Variants in PFKP observed in about 807,000 individuals in gnomAD.
PFKP encodes phosphofructokinase, platelet.
In PFKP, 101 loss-of-function variants were observed where a neutral mutation model predicts 94.3. The observed-to-expected ratio is 1.07, with a 90% CI of 0.91 to 1.26. The LOEUF is 1.26. PFKP is among the 50% of genes most tolerant of loss of function. The pLI, the probability that PFKP is intolerant of heterozygous loss-of-function variation, is 0.00. For synonymous variants in PFKP, 573 were observed against 432.6 expected, an observed-to-expected ratio of 1.32 and a Z score of -4.03; for missense variants, 1,145 against 1,103.3, an observed-to-expected ratio of 1.04 and a Z score of -0.53.
At position 3,136,673 on chromosome 10, in the gene PFKP, GACA is replaced by G; in HGVS notation, c.*95_*97del. 1 of 1,381,798 alleles carries G rather than the reference GACA, an allele frequency of 7.2e-7. No individual in the cohort carries two copies. The highest frequency in any genetic ancestry group is 2.0e-5 in the Admixed American group (1 of 51,144). 85.6% of individuals were successfully genotyped at this position (1,381,798 alleles called of 1,614,324 possible). A position where few individuals can be genotyped will look rare whatever the true frequency, so the allele number is the denominator to read the frequency against. On this transcript the variant is annotated 3_prime_UTR_variant, in exon 22 of 22. Transcript: ENST00000381125. ...ATCAGCACTTTATGCACGTATTATT[GACA>G]TTAATACCTAATCGGCGAGTGCCCA...
chr10:3,079,529 C>G (rs1832862694), intron 1 of PFKP, among the ~76,000 whole-genome samples: 1 of 152,040 alleles, frequency 6.6e-6, no homozygotes, highest in Admixed American at 6.6e-5. Context: ...CCACCGTGCC[C>G]AGCCTCATGT....
In PFKP at chr10:3,129,949, T is replaced by C; in HGVS notation, c.1814T>C (p.Ile605Thr). 6.2e-7 allele frequency: 1 copy of C among 1,600,464 alleles called. No individual in the cohort carries two copies. The highest frequency in any genetic ancestry group is 8.5e-7 in the Non-Finnish European group (1 of 1,172,344). ...GCGGCCGGAGCTGATGCCGCATACA[T>C]TTTCGAAGAGCCCTTCGACATCAGG... ...GLAAGADAAYIFEEPFDIRDL... is the reference protein window; with the variant it reads ...GLAAGADAAYTFEEPFDIRDL... The change falls in exon 17 of 22, where the codon ATT (isoleucine) becomes ACT (threonine). Residue 605 changes from isoleucine to threonine, a missense_variant. Ile to Thr is a moderately conservative substitution (Grantham distance 89). Around this residue, in one of 3 missense-constraint regions of PFKP, gnomAD observed 1,119 missense variants for 1,062.8 expected, o/e 1.05. Coordinates refer to ENST00000381125, the MANE Select transcript of PFKP (RefSeq NM_002627.5).
intron 3 of PFKP, among the ~76,000 whole-genome samples, chr10:3,100,598 A>G (rs77332609): frequency 0.038 from 5,797 of 152,272 alleles, 301 homozygotes; most frequent in African/African-American, 0.12. Context: ...CTTCGCCTCC[A>G]GTGCAGAGAC....
chr10:3,101,276 C>A, intron 3 of PFKP, 89 bp from the exon 4 acceptor site: 1 of 1,057,448 alleles, frequency 9.5e-7, no homozygotes, highest in Non-Finnish European at 1.4e-6. Context: ...TAAATTCTAG[C>A]ACCCCATGTT....
intron 16 of PFKP, among the ~76,000 whole-genome samples, chr10:3,122,931 C>T (rs1837573136): frequency 6.6e-6 from 1 of 152,202 alleles, no homozygotes; most frequent in Non-Finnish European, 1.5e-5. Flanking sequence ...ACAGGGTGGG[C>T]TCCATAATAG....
At chr10:3,108,625 C>G (rs568695388) in intron 8 of PFKP, 76 bp from the exon 9 acceptor site, 1 of 1,074,216 alleles carries the variant, frequency 9.3e-7, no homozygotes, top group South Asian at 1.3e-5. Flanking sequence ...TTTTCCAGTG[C>G]CCAGTACCTC....
chr10:3,126,584 C>T (rs1588554240), intron 16 of PFKP, among the ~76,000 whole-genome samples: 1 of 152,232 alleles, frequency 6.6e-6, no homozygotes, highest in African/African-American at 2.4e-5. Flanking sequence ...GTCTGGCCAC[C>T]GACTTCAGCA....
intron 2 of PFKP, among the ~76,000 whole-genome samples, chr10:3,094,667 C>T (rs1286624758): frequency 1.3e-5 from 2 of 152,194 alleles, no homozygotes; most frequent in African/African-American, 4.8e-5. Flanking sequence ...AAACCATTGA[C>T]ATAGTGAAAT....
intron 1 of PFKP, among the ~76,000 whole-genome samples, chr10:3,071,644 T>A (rs1832206715): frequency 6.6e-6 from 1 of 152,138 alleles, no homozygotes; most frequent in South Asian, 2.1e-4. Context: ...AGGTTGTGGC[T>A]TCTGAAGGTC....
At position 3,103,964 on chromosome 10, in the gene PFKP, C is replaced by A. The variant is rs370569634; in HGVS notation, c.620+20C>A. 37 of 1,609,318 alleles carry A rather than the reference C, an allele frequency of 2.3e-5. No homozygotes were observed. The East Asian group carries it at 7.6e-4, about 33-fold the overall frequency. ...CCAGAGGTAAAGCGCTCAGAGGAAC[C>A]GGCGGGAGGCCAGTGGGGCCCGACG... On this transcript the variant is annotated intron_variant, in intron 5 of 21. Coordinates refer to ENST00000381125, the MANE Select transcript of PFKP (RefSeq NM_002627.5).
At chr10:3,116,899 CGT>C in intron 14 of PFKP, 53 bp downstream of exon 14, 1 of 1,371,492 alleles carries the variant, frequency 7.3e-7, no homozygotes, top group Non-Finnish European at 1.0e-6. Context: ...AAGGAAGAGC[CGT>C]GTTCTGGGAG....
intron 10 of PFKP, among the ~76,000 whole-genome samples, chr10:3,110,506 A>G (rs906811571): frequency 2.0e-5 from 3 of 150,922 alleles, no homozygotes; most frequent in African/African-American, 4.9e-5. Flanking sequence ...ATGAGCCACC[A>G]CGCCCAGCTG....
At chr10:3,082,550 C>G in intron 2 of PFKP, 89 bp downstream of exon 2, 3 of 883,742 alleles carry the variant, frequency 3.4e-6, no homozygotes, top group Non-Finnish European at 3.5e-6. Context: ...CTGCCTCCCC[C>G]ATGCTGAGCA....
chr10:3,093,858 T>C (rs536448495), intron 2 of PFKP, among the ~76,000 whole-genome samples: 14 of 152,264 alleles, frequency 9.2e-5, no homozygotes, highest in East Asian at 1.9e-4. Context: ...TTAGCCAGGA[T>C]GGTCTCCATC....
Position 3,118,857 on chromosome 10 carries a change from C to A in PFKP, c.1518C>A (p.Ile506=), listed in dbSNP as rs759457594. 5 of 1,612,272 alleles carry A rather than the reference C, an allele frequency of 3.1e-6. No individual in the cohort carries two copies. The African/African-American group carries it at 5.3e-5, about 17-fold the overall frequency. Residue 506 remains isoleucine, a synonymous_variant, in exon 15 of 22, where the codon ATC becomes ATA. Transcript: ENST00000381125. ...ACAGCATCAACGCGCTGCTGATCAT[C>A]GGTGGATTCGAGGTACGTTACCGTT... is the stretch of plus-strand genomic sequence containing the variant. ...RTHSINALLI[I]GGFEAYLGLL... is the part of the protein sequence containing the mutation.
At chr10:3,070,556 T>C (rs536696164) in intron 1 of PFKP, among the ~76,000 whole-genome samples, 1 of 152,320 alleles carries the variant, frequency 6.6e-6, no homozygotes, top group Non-Finnish European at 1.5e-5. Context: ...CATTTTGTAT[T>C]CTAAGAGCTT....
At chr10:3,131,535 CA>C (rs1838589456) in intron 17 of PFKP, among the ~76,000 whole-genome samples, 1 of 152,078 alleles carries the variant, frequency 6.6e-6, no homozygotes, top group African/African-American at 2.4e-5. Context: ...CGGCTCACTG[CA>C]ACTTCCGCCT....
At chr10:3,091,787 A>G (rs940199367) in intron 2 of PFKP, among the ~76,000 whole-genome samples, 4 of 152,066 alleles carry the variant, frequency 2.6e-5, no homozygotes, top group Non-Finnish European at 4.4e-5. Flanking sequence ...CTGTGTCAAA[A>G]AAGAAAAAGA....
intron 20 of PFKP, among the ~76,000 whole-genome samples, chr10:3,135,457 C>A (rs1244746859): frequency 6.6e-6 from 1 of 152,160 alleles, no homozygotes; most frequent in East Asian, 1.9e-4. Context: ...GTAATTTAAG[C>A]TAATTTCCCT....
Sources: gnomAD v4.1 joint callset for allele counts (sites outside exome capture counted in the v4.1 genomes callset) on GRCh38, gnomAD v4.1.1 for gene constraint, gnomAD v4.1.1 regional missense constraint, MANE v1.5 for transcripts, NCBI Gene and HGNC (gene_info 2026-07-23, HGNC 2026-07-21) for gene names.